CALN1: variants seen among roughly 807,000 people sequenced by gnomAD.
The protein encoded by CALN1 is calneuron 1, also known as calcium-binding protein 8.
Under a neutral mutation model 30.6 loss-of-function variants are expected in CALN1, and 17 were observed. That is an observed-to-expected ratio of 0.56 (90% confidence interval 0.38 to 0.83). CALN1 has a LOEUF of 0.83. CALN1 is among the 40% of genes least tolerant of loss of function. The probability of loss-of-function intolerance (pLI) is 0.00; values close to 1 mark genes in which losing one functional copy is unlikely to be tolerated. For synonymous variants in CALN1, 156 were observed against 131.4 expected, an observed-to-expected ratio of 1.19 and a Z score of -1.28; for missense variants, 291 against 354.9, an observed-to-expected ratio of 0.82 and a Z score of 1.45.
chr7:72,052,993 G>A (rs992059873), intron 4 of CALN1, among the ~76,000 whole-genome samples: 1 of 152,182 alleles, frequency 6.6e-6, no homozygotes, highest in African/African-American at 2.4e-5. Context: ...ACTTTGGGAG[G>A]CCAAGGAGGG....
chr7:71,818,392 T>C (rs1207963777), intron 5 of CALN1, among the ~76,000 whole-genome samples: 1 of 152,060 alleles, frequency 6.6e-6, no homozygotes, highest in East Asian at 1.9e-4. Flanking sequence ...TAACTGACAA[T>C]ATGTTGAGTT....
intron 6 of CALN1, among the ~76,000 whole-genome samples, chr7:71,790,586 C>T (rs1793324525): frequency 6.6e-6 from 1 of 152,162 alleles, no homozygotes; most frequent in Non-Finnish European, 1.5e-5. Context: ...TGCACGGTTC[C>T]CCAGATAGCT....
chr7:72,207,791 G>A (rs945267111), intron 3 of CALN1, among the ~76,000 whole-genome samples: 1 of 152,220 alleles, frequency 6.6e-6, no homozygotes. Flanking sequence ...AACTCTGGGC[G>A]ACTTTTATTT....
chr7:72,320,864 C>T (rs1288477549), intron 2 of CALN1, among the ~76,000 whole-genome samples: 1 of 145,674 alleles, frequency 6.9e-6, no homozygotes, highest in East Asian at 2.0e-4. Context: ...AAAAGAATCA[C>T]AGAGGCAGCC....
chr7:72,394,506 T>C (rs1017365609), intron 2 of CALN1, among the ~76,000 whole-genome samples: 8 of 152,182 alleles, frequency 5.3e-5, no homozygotes, highest in African/African-American at 7.2e-5. Flanking sequence ...GTCCAGTACA[T>C]TGCAGTACAA....
chr7:72,210,354 G>A (rs905446119), intron 3 of CALN1, among the ~76,000 whole-genome samples: 15 of 152,256 alleles, frequency 9.9e-5, no homozygotes, highest in Admixed American at 9.8e-4. Context: ...ATTTTGTGCT[G>A]TCAGAGTAAT....
At chr7:71,871,142 C>A (rs1165798366) in intron 5 of CALN1, among the ~76,000 whole-genome samples, 1 of 152,112 alleles carries the variant, frequency 6.6e-6, no homozygotes, top group Non-Finnish European at 1.5e-5. Context: ...CAGCTGTTAG[C>A]TCATTAAGTG....
intron 2 of CALN1, among the ~76,000 whole-genome samples, chr7:72,323,348 TCTCTTAA>T (rs1215180862): frequency 1.3e-5 from 2 of 152,094 alleles, no homozygotes; most frequent in East Asian, 3.9e-4. Context: ...GGAAAATGCT[TCTCTTAA>T]CTAGCATCTT....
intron 5 of CALN1, among the ~76,000 whole-genome samples, chr7:71,937,533 C>T (rs1344576763): frequency 7.2e-5 from 11 of 151,978 alleles, no homozygotes; most frequent in African/African-American, 2.2e-4. Context: ...GACGGGAGTC[C>T]GGTGGTGCAA....
intron 2 of CALN1, among the ~76,000 whole-genome samples, chr7:72,331,933 T>C (rs561282979): frequency 7.4e-4 from 113 of 152,314 alleles, no homozygotes; most frequent in Non-Finnish European, 1.4e-3. Context: ...TAGCTTCCAC[T>C]TATAAGTGAG....
intron 2 of CALN1, among the ~76,000 whole-genome samples, chr7:72,392,848 A>T (rs1300275192): frequency 1.3e-5 from 2 of 149,532 alleles, no homozygotes; most frequent in South Asian, 2.1e-4. Context: ...AAAAAAAATT[A>T]ATTAGCCAGA....
At chr7:72,395,658 G>C (rs1805882388) in intron 2 of CALN1, among the ~76,000 whole-genome samples, 1 of 152,192 alleles carries the variant, frequency 6.6e-6, no homozygotes, top group Non-Finnish European at 1.5e-5. Context: ...AGATTGCCAA[G>C]AGGTGGGGTC....
At chr7:72,190,099 T>C (rs1257175988) in intron 3 of CALN1, among the ~76,000 whole-genome samples, 1 of 152,212 alleles carries the variant, frequency 6.6e-6, no homozygotes. Context: ...TTCATGCCTG[T>C]AATCCCAGCA....
intron 5 of CALN1, among the ~76,000 whole-genome samples, chr7:71,850,307 C>A (rs1020671808): frequency 6.6e-6 from 1 of 152,192 alleles, no homozygotes; most frequent in African/African-American, 2.4e-5. Flanking sequence ...CCTCCGCCTC[C>A]CGGGTTCAAG....
intron 5 of CALN1, among the ~76,000 whole-genome samples, chr7:71,864,384 G>A (rs1391753079): frequency 6.6e-6 from 1 of 152,190 alleles, no homozygotes; most frequent in Non-Finnish European, 1.5e-5. Context: ...GCTGTGAAAT[G>A]CCTGTGTGAG....
intron 3 of CALN1, among the ~76,000 whole-genome samples, chr7:72,229,397 T>G (rs1331813079): frequency 6.6e-6 from 1 of 152,018 alleles, no homozygotes. Context: ...GGCAAGAGGA[T>G]CGCTTACCAT....
intron 3 of CALN1, among the ~76,000 whole-genome samples, chr7:72,190,512 C>G (rs1790525503): frequency 6.6e-6 from 1 of 152,162 alleles, no homozygotes; most frequent in Non-Finnish European, 1.5e-5. Flanking sequence ...TTCACATTTC[C>G]CAGCACACCA....
intron 2 of CALN1, among the ~76,000 whole-genome samples, chr7:72,358,828 A>G (rs780049309): frequency 2.6e-5 from 4 of 151,832 alleles, no homozygotes; most frequent in Non-Finnish European, 5.9e-5. Context: ...GGGCACCTAT[A>G]ATGCCTGTAA....
At chr7:71,990,229 G>T (rs370337724) in intron 5 of CALN1, among the ~76,000 whole-genome samples, 1 of 152,082 alleles carries the variant, frequency 6.6e-6, no homozygotes, top group Non-Finnish European at 1.5e-5. Context: ...TAATAGATAA[G>T]CATGCTAAAC....
Sources: gnomAD v4.1 joint callset for allele counts (sites outside exome capture counted in the v4.1 genomes callset) on GRCh38, gnomAD v4.1.1 for gene constraint, MANE v1.5 for transcripts, NCBI Gene and HGNC (gene_info 2026-07-23, HGNC 2026-07-21) for gene names.